Variants in DDX60L observed in about 807,000 individuals in gnomAD.
The protein encoded by DDX60L is DExD/H-box 60 like.
In DDX60L, 191 loss-of-function variants were observed where a neutral mutation model predicts 211.6. The observed-to-expected ratio is 0.90, with a 90% CI of 0.80 to 1.02. The LOEUF is 1.02. DDX60L is among the 50% of genes least tolerant of loss of function. The probability of loss-of-function intolerance (pLI) is 0.00; values close to 1 mark genes in which losing one functional copy is unlikely to be tolerated. For missense variants in DDX60L, 2,007 were observed against 1,984.1 expected, an observed-to-expected ratio of 1.01 and a Z score of -0.22; for synonymous variants, 706 against 694.1, an observed-to-expected ratio of 1.02 and a Z score of -0.27.
At position 168,406,707 on chromosome 4, in the gene DDX60L, C is replaced by A. The variant is rs751811336; in HGVS notation, c.2980-1G>T. The A allele has an allele frequency of 1.3e-6, 2 of 1,570,350 alleles. No homozygotes were observed. Among genetic ancestry groups the A allele is most frequent in the African/African-American group, 2.7e-5 (2 of 73,188 alleles). On this transcript the variant is annotated splice_acceptor_variant, in intron 22 of 37. Coordinates refer to ENST00000682922, the MANE Select transcript of DDX60L (RefSeq NM_001012967.3). LOFTEE classifies it high-confidence loss of function. ...CAGGTGGGAATCCATACTTTTCAATCTGTGAATAAACAAATTAATGGATGG... is the reference window on the plus strand; with the variant it reads ...CAGGTGGGAATCCATACTTTTCAATATGTGAATAAACAAATTAATGGATGG...
At chr4:168,362,564 A>C (rs935261183) in intron 36 of DDX60L, among the ~76,000 whole-genome samples, 2 of 152,146 alleles carry the variant, frequency 1.3e-5, no homozygotes, top group African/African-American at 4.8e-5. Flanking sequence ...CCAAATAACC[A>C]GCTCAGTGCC....
In DDX60L at chr4:168,448,736, A is replaced by G. The variant is rs779698149; in HGVS notation, c.1040T>C (p.Phe347Ser). 3.1e-6 allele frequency: 5 copies of G among 1,607,324 alleles called. No homozygotes were observed. In the Admixed American group the frequency reaches 5.0e-5, roughly 16 times the overall value. ...EYFILSNLNV[F>S]GCWNLNLNHV... ...ATTTAAATTCAGATTCCAGCATCCA[A>G]AAACGTTTAAGTTGCTTAAAATGAA... Residue 347 changes from phenylalanine (F) to serine (S), a missense_variant, in exon 9 of 38, where the codon TTT becomes TCT. Coordinates refer to ENST00000682922, the MANE Select transcript of DDX60L (RefSeq NM_001012967.3).
intron 10 of DDX60L, among the ~76,000 whole-genome samples, chr4:168,440,655 ACTTCT>A (rs1228258469): frequency 6.6e-6 from 1 of 152,092 alleles, no homozygotes; most frequent in African/African-American, 2.4e-5. Flanking sequence ...GACTCATTGC[ACTTCT>A]CTTCACTTCC....
At chr4:168,397,460 T>A (rs1196097889) in intron 26 of DDX60L, among the ~76,000 whole-genome samples, 1 of 152,180 alleles carries the variant, frequency 6.6e-6, no homozygotes, top group Non-Finnish European at 1.5e-5. Flanking sequence ...AGACAAAGGG[T>A]AATAGATCTA....
intron 1 of DDX60L, 149 bp from the exon 2 acceptor site, chr4:168,472,958 T>C (rs1007572117): frequency 2.7e-5 from 14 of 520,008 alleles, no homozygotes; most frequent in African/African-American, 7.7e-5. Flanking sequence ...AAATCACAAA[T>C]GTGACAAAAG....
At chr4:168,445,612 T>C (rs1015679065) in intron 9 of DDX60L, among the ~76,000 whole-genome samples, 5 of 152,038 alleles carry the variant, frequency 3.3e-5, no homozygotes, top group Non-Finnish European at 7.4e-5. Flanking sequence ...TTGATGAACA[T>C]TGATGCAAAA....
chr4:168,397,035 G>A (rs927550496), intron 26 of DDX60L, among the ~76,000 whole-genome samples: 4 of 152,070 alleles, frequency 2.6e-5, no homozygotes, highest in Non-Finnish European at 4.4e-5. Flanking sequence ...TGGGATTGGC[G>A]ACCTTATAAA....
In DDX60L at chr4:168,379,419, A is replaced by G. The variant is rs1742532828; in HGVS notation, c.4307T>C (p.Phe1436Ser). The change falls in exon 32 of 38, where the codon TTT becomes TCT. Residue 1436 changes from phenylalanine (F) to serine (S), a missense_variant. By Grantham distance (155) the Phe-to-Ser change is radical (BLOSUM62 -2). Transcript: ENST00000682922. ...LHGHEPSNLV[F>S]VNFLKRGLFH... ...AAGGCCTCTCTTGAGAAAATTTACAAAAACAAGATTTGAAGGTTCATGACC... is the reference window on the plus strand; with the variant it reads ...AAGGCCTCTCTTGAGAAAATTTACAGAAACAAGATTTGAAGGTTCATGACC... The G allele has an allele frequency of 6.2e-7, 1 of 1,604,016 alleles. No individual in the cohort carries two copies. Among genetic ancestry groups the G allele is most frequent in the Non-Finnish European group, 8.5e-7 (1 of 1,177,142 alleles).
At chr4:168,464,337 GAATTA>G (rs1189162511) in intron 4 of DDX60L, among the ~76,000 whole-genome samples, 4 of 151,488 alleles carry the variant, frequency 2.6e-5, no homozygotes, top group Non-Finnish European at 5.9e-5. Context: ...AACCACAATG[GAATTA>G]AATTAGAAAT....
At chr4:168,455,035 T>C (rs1393940324) in intron 7 of DDX60L, among the ~76,000 whole-genome samples, 2 of 152,034 alleles carry the variant, frequency 1.3e-5, no homozygotes, top group African/African-American at 2.4e-5. Flanking sequence ...TCTCCAAATA[T>C]ATTTATTTTT....
Position 168,388,281 on chromosome 4 carries a change from G to C in DDX60L, c.3915+3259C>G, listed in dbSNP as rs555069149. 2.6e-5 allele frequency among the ~76,000 whole-genome samples: 4 copies of C among 152,300 alleles called. No homozygotes were observed. The South Asian group carries it at 8.3e-4, about 32-fold the overall frequency. ...TGTAAAGGGCTAGGATTTCAATCAG[G>C]GGAAAGAAGGAAAAGTCTCTAAGAG... is the stretch of plus-strand genomic sequence containing the variant. On this transcript the variant is annotated intron_variant, in intron 29 of 37. Coordinates refer to ENST00000682922, the MANE Select transcript of DDX60L (RefSeq NM_001012967.3).
rs1352938462 is a variant in DDX60L, at chr4:168,357,325, G to A, written c.*822C>T. On this transcript the variant is annotated 3_prime_UTR_variant, in exon 38 of 38. Transcript: ENST00000682922. ...ATAACTACTCCAAGTGACTGTTTTA[G>A]TCAATTCAGACTGCTTCAACAGAAA... The A allele has an allele frequency of 6.6e-6, 1 of 152,170 alleles. No homozygotes were observed. The highest frequency in any genetic ancestry group is 1.5e-5 in the Non-Finnish European group (1 of 68,028). The allele number at this position is 152,170 out of a possible 1,614,324, so 9.4% of individuals were successfully genotyped here.
chr4:168,475,761 T>C (rs1759395204), intron 1 of DDX60L, among the ~76,000 whole-genome samples: 2 of 152,088 alleles, frequency 1.3e-5, no homozygotes, highest in Admixed American at 1.3e-4. Context: ...AGTGTGATGG[T>C]AATTGGAGAT....
intron 28 of DDX60L, among the ~76,000 whole-genome samples, chr4:168,392,681 T>C (rs1188403682): frequency 6.6e-6 from 1 of 151,984 alleles, no homozygotes; most frequent in Non-Finnish European, 1.5e-5. Context: ...CTGCCTCTAT[T>C]AAAAATACAA....
In DDX60L at chr4:168,391,647, A is replaced by T; in HGVS notation, c.3811-3T>A. The stretch of plus-strand genomic sequence containing the variant: ...AGTGTTTCAGTAGCTGTCACTACCT[A>T]GGAAAAAAAAAAAAAAACAGTCAAT... On this transcript the variant is annotated splice_polypyrimidine_tract_variant and splice_region_variant and intron_variant, in intron 28 of 37. Coordinates refer to ENST00000682922, the MANE Select transcript of DDX60L (RefSeq NM_001012967.3). The T allele has an allele frequency of 6.6e-6, 7 of 1,056,024 alleles. No individual in the cohort carries two copies. Among genetic ancestry groups the T allele is most frequent in the Non-Finnish European group, 9.1e-6 (7 of 769,284 alleles). 65.4% of individuals were successfully genotyped at this position (1,056,024 alleles called of 1,614,324 possible). A position where few individuals can be genotyped will look rare whatever the true frequency, so the allele number is the denominator to read the frequency against.
intron 37 of DDX60L, among the ~76,000 whole-genome samples, chr4:168,359,332 T>A (rs1324736661): frequency 6.6e-6 from 1 of 152,216 alleles, no homozygotes; most frequent in Non-Finnish European, 1.5e-5. Flanking sequence ...ACAACACATG[T>A]GACATTTTAA....
chr4:168,375,631 C>A, intron 33 of DDX60L, 107 bp from the exon 34 acceptor site: 1 of 1,037,484 alleles, frequency 9.6e-7, no homozygotes, highest in Non-Finnish European at 1.3e-6. Context: ...GCTCATTCAT[C>A]AAAACCCTTG....
At chr4:168,420,670 TAGATAGATAGATAGACAGACAGAC>T (rs1337908797) in intron 17 of DDX60L, among the ~76,000 whole-genome samples, 32 of 141,536 alleles carry the variant, frequency 2.3e-4, no homozygotes, top group South Asian at 4.4e-4. Flanking sequence ...GATAGATAGA[TAGATAGATAGATAGACAGACAGAC>T]AGACAGACAG....
At chr4:168,446,235 A>C (rs979897397) in intron 9 of DDX60L, among the ~76,000 whole-genome samples, 4 of 152,144 alleles carry the variant, frequency 2.6e-5, no homozygotes, top group African/African-American at 9.7e-5. Context: ...AAACACCAAC[A>C]ACAGACAAAC....
Sources: gnomAD v4.1 joint callset for allele counts (sites outside exome capture counted in the v4.1 genomes callset) on GRCh38, gnomAD v4.1.1 for gene constraint, MANE v1.5 for transcripts, NCBI Gene and HGNC (gene_info 2026-07-23, HGNC 2026-07-21) for gene names.